Variants in RUBCNL observed in about 807,000 individuals in gnomAD.
RUBCNL encodes the protein rubicon like autophagy enhancer, also known as protein associated with UVRAG as autophagy enhancer.
Under a neutral mutation model 69.5 loss-of-function variants are expected in RUBCNL, and 62 were observed. The ratio of observed to expected loss-of-function variants is 0.89; its 90% CI spans 0.73 to 1.10. RUBCNL has a LOEUF of 1.10. Ranked by LOEUF, RUBCNL falls within the 50% of genes least tolerant of loss-of-function variation. The probability of loss-of-function intolerance (pLI) is 0.00; values close to 1 mark genes in which losing one functional copy is unlikely to be tolerated. For synonymous variants in RUBCNL, 291 were observed against 303.6 expected, an observed-to-expected ratio of 0.96 and a Z score of 0.43; for missense variants, 768 against 798.1, an observed-to-expected ratio of 0.96 and a Z score of 0.45.
chr13:46,388,359 AGCAAAGAAAGGAAGGAAGGAAG>A, upstream of RUBCNL, among the ~76,000 whole-genome samples: 1 of 140,730 alleles, frequency 7.1e-6, no homozygotes, highest in African/African-American at 2.7e-5. Context: ...AAGGAAGGAA[AGCAAAGAAAGGAAGGAAGGAAG>A]GGCGAAGGAA....
Position 46,335,095 on chromosome 13 carries a change from C to T in RUBCNL, c.*8290G>A, listed in dbSNP as rs1474248588. On this transcript the variant is annotated 3_prime_UTR_variant, in exon 15 of 15. Coordinates refer to ENST00000429979, the MANE Select transcript of RUBCNL (RefSeq NM_025113.5). ...CTTTTTTTTTTTTGAGATGGGGTCT[C>T]ACTCTGTCACCCAGGCTGGAATGCA... is the stretch of plus-strand genomic sequence containing the variant. 6.6e-6 allele frequency among the ~76,000 whole-genome samples: 1 copy of T among 151,428 alleles called. No homozygotes were observed. The highest frequency in any genetic ancestry group is 1.5e-5 in the Non-Finnish European group (1 of 67,894).
At chr13:46,371,677 C>T (rs1166964345) in intron 3 of RUBCNL, among the ~76,000 whole-genome samples, 3 of 152,300 alleles carry the variant, frequency 2.0e-5, no homozygotes, top group East Asian at 3.9e-4. Context: ...GCTCTAAGTT[C>T]CTGAAGGCAG....
intron 10 of RUBCNL, 25 bp from the exon 11 acceptor site, chr13:46,350,376 T>G (rs1264279924): frequency 1.3e-6 from 2 of 1,491,070 alleles, no homozygotes; most frequent in African/African-American, 1.4e-5. Context: ...GGAGGGTGAG[T>G]GCCACACCTG....
intron 2 of RUBCNL, among the ~76,000 whole-genome samples, chr13:46,372,982 T>C (rs778002147): frequency 2.0e-5 from 3 of 152,186 alleles, no homozygotes; most frequent in Non-Finnish European, 4.4e-5. Flanking sequence ...TCTTTCTTTT[T>C]TTTTTTTTAA....
chr13:46,373,376 T>G (rs1242802078), intron 2 of RUBCNL, among the ~76,000 whole-genome samples: 4 of 152,250 alleles, frequency 2.6e-5, no homozygotes, highest in Admixed American at 2.6e-4. Flanking sequence ...CTGAAGACTT[T>G]GCTTCATGTA....
At position 46,377,760 on chromosome 13, in the gene RUBCNL, T is replaced by C. The variant is rs541924160; in HGVS notation, c.-123+130A>G. On this transcript the variant is annotated intron_variant, in intron 2 of 14. Coordinates refer to ENST00000429979, the MANE Select transcript of RUBCNL (RefSeq NM_025113.5). ...TTGCTTCACAAAAATAACCAGCAGG[T>C]GCTGCTTTGCCAGGTTATAAAATCA... is the stretch of plus-strand genomic sequence containing the variant. 107 of 531,834 alleles carry C rather than the reference T, an allele frequency of 2.0e-4. 2 individuals are homozygous for C. In the South Asian group the frequency reaches 3.2e-3, roughly 16 times the overall value. 32.9% of individuals were successfully genotyped at this position (531,834 alleles called of 1,614,324 possible). A position where few individuals can be genotyped will look rare whatever the true frequency, so the allele number is the denominator to read the frequency against.
intron 1 of RUBCNL, among the ~76,000 whole-genome samples, chr13:46,379,803 G>C (rs568371229): frequency 6.6e-6 from 1 of 152,308 alleles, no homozygotes; most frequent in Non-Finnish European, 1.5e-5. Flanking sequence ...GGTTACCACA[G>C]TTCCCCAGAA....
At chr13:46,359,197 C>A (rs1303181227) in intron 9 of RUBCNL, among the ~76,000 whole-genome samples, 2 of 151,868 alleles carry the variant, frequency 1.3e-5, no homozygotes, top group African/African-American at 2.4e-5. Context: ...TAAAAATCCC[C>A]TTTAAGCCTA....
rs2138806958 is a variant in RUBCNL, at chr13:46,372,611, G to A, written c.-122-14C>T. ...TGGAGAGCTATTCTGCAATGAGCAA[G>A]GAATCATTCAAAATAAGTAAGAATT... On this transcript the variant is annotated splice_polypyrimidine_tract_variant and intron_variant, in intron 2 of 14. Transcript: ENST00000429979. 7.0e-7 allele frequency: 1 copy of A among 1,432,746 alleles called. No homozygotes were observed. 88.8% of individuals were successfully genotyped at this position (1,432,746 alleles called of 1,614,324 possible).
chr13:46,386,296 G>T (rs558102054), intron 1 of RUBCNL, among the ~76,000 whole-genome samples: 25 of 152,184 alleles, frequency 1.6e-4, no homozygotes, highest in Admixed American at 1.4e-3. Flanking sequence ...TAAGAAACTG[G>T]GTCTAAGAAA....
chr13:46,348,776 G>T (rs1050883100), intron 12 of RUBCNL, among the ~76,000 whole-genome samples: 4 of 152,020 alleles, frequency 2.6e-5, no homozygotes, highest in African/African-American at 9.7e-5. Context: ...GCTAATTTTT[G>T]TAATTTTAGT....
chr13:46,374,785 C>T (rs1168383058), intron 2 of RUBCNL, among the ~76,000 whole-genome samples: 1 of 152,174 alleles, frequency 6.6e-6, no homozygotes. Context: ...CTTCATCCAG[C>T]ATCCATAAGC....
intron 2 of RUBCNL, among the ~76,000 whole-genome samples, chr13:46,374,830 C>A (rs550811473): frequency 6.6e-6 from 1 of 152,322 alleles, no homozygotes; most frequent in Admixed American, 6.5e-5. Context: ...ACCCTATAGG[C>A]TCCTTCTAAC....
intron 3 of RUBCNL, among the ~76,000 whole-genome samples, chr13:46,370,626 G>A (rs572688060): frequency 6.6e-6 from 1 of 152,174 alleles, no homozygotes; most frequent in Non-Finnish European, 1.5e-5. Context: ...GGGCAAAAGG[G>A]GCTGGGGTAT....
At chr13:46,345,386 C>T (rs1443049421) in intron 13 of RUBCNL, 61 bp downstream of exon 13, 14 of 1,520,358 alleles carry the variant, frequency 9.2e-6, no homozygotes, top group Admixed American at 4.0e-5. Context: ...AAGTCAAGTG[C>T]GGAACACCCA....
rs1205972554 is a variant in RUBCNL at position 46,336,173 on chromosome 13, C to T, written c.*7212G>A. On this transcript the variant is annotated 3_prime_UTR_variant, in exon 15 of 15. Coordinates refer to ENST00000429979, the MANE Select transcript of RUBCNL (RefSeq NM_025113.5). ...CCATCTGGTCTATCTGACAGCCGGC[C>T]CTGTTCTTTTTGGTTCACGTGGTCT... 1.3e-5 allele frequency among the ~76,000 whole-genome samples: 2 copies of T among 152,100 alleles called. No homozygotes were observed. Among genetic ancestry groups the T allele is most frequent in the Non-Finnish European group, 2.9e-5 (2 of 68,014 alleles).
chr13:46,367,966 G>T, intron 5 of RUBCNL, 76 bp downstream of exon 5: 1 of 1,365,146 alleles, frequency 7.3e-7, no homozygotes, highest in Non-Finnish European at 1.0e-6. Context: ...TATATGCCCC[G>T]TGGATAAGGG....
Position 46,362,568 on chromosome 13 carries a change from G to A in RUBCNL, c.956C>T (p.Thr319Ile). 1 of 1,609,584 alleles carries A rather than the reference G, an allele frequency of 6.2e-7. No homozygotes were observed. The highest frequency in any genetic ancestry group is 8.5e-7 in the Non-Finnish European group (1 of 1,178,054). ...AGAGGAGCTGCAGGAACAGCTACAGGTTTCTGTGATATCATTAAAATCTCC... is the reference window on the plus strand; with the variant it reads ...AGAGGAGCTGCAGGAACAGCTACAGATTTCTGTGATATCATTAAAATCTCC... ...ELGDFNDITE[T>I]CSCSCSSSKS... Residue 319 changes from threonine to isoleucine, a missense_variant, in exon 7 of 15, where the codon ACC (threonine) becomes ATC (isoleucine). Coordinates refer to ENST00000429979, the MANE Select transcript of RUBCNL (RefSeq NM_025113.5).
intron 11 of RUBCNL, 60 bp from the exon 12 acceptor site, chr13:46,349,407 G>A: frequency 6.8e-7 from 1 of 1,471,740 alleles, no homozygotes; most frequent in Non-Finnish European, 9.5e-7. Flanking sequence ...CGGGAAAAGT[G>A]CAAGTCAAAT....
Sources: allele counts gnomAD v4.1 joint callset (sites outside exome capture counted in the v4.1 genomes callset), GRCh38; gene constraint gnomAD v4.1.1; transcripts MANE v1.5; gene names NCBI Gene and HGNC (gene_info 2026-07-23, HGNC 2026-07-21).